The following CAMK4 variants were observed in gnomAD, a reference collection of about 807,000 sequenced individuals.
CAMK4 encodes the protein calcium/calmodulin dependent protein kinase IV.
Under a neutral mutation model 44.9 loss-of-function variants are expected in CAMK4, and 22 were observed. That is an observed-to-expected ratio of 0.49 (90% confidence interval 0.35 to 0.70). CAMK4 has a LOEUF of 0.70. Ranked by LOEUF, CAMK4 falls within the 30% of genes least tolerant of loss-of-function variation. The pLI is 0.01. For missense variants in CAMK4, 498 were observed against 586.8 expected (o/e 0.85, Z 1.56); for synonymous variants, 218 against 215.4 (o/e 1.01, Z -0.11).
chr5:111,235,101 C>T (rs80218507), intron 1 of CAMK4, among the ~76,000 whole-genome samples: 31,576 of 151,772 alleles, frequency 0.21, 3,741 homozygotes, highest in Non-Finnish European at 0.28. Context: ...GAATGTTGCA[C>T]TGTTAGTTTG....
At chr5:111,430,174 A>T (rs1479394400) in intron 5 of CAMK4, among the ~76,000 whole-genome samples, 2 of 152,276 alleles carry the variant, frequency 1.3e-5, no homozygotes, top group East Asian at 1.9e-4. Context: ...TATGCAAATC[A>T]ATCAATGTGA....
intron 1 of CAMK4, among the ~76,000 whole-genome samples, chr5:111,245,847 C>G (rs898967799): frequency 6.6e-6 from 1 of 152,184 alleles, no homozygotes; most frequent in African/African-American, 2.4e-5. Flanking sequence ...TGTGAACAAA[C>G]CTATCAGCCA....
intron 1 of CAMK4, among the ~76,000 whole-genome samples, chr5:111,229,893 T>A (rs1025513075): frequency 6.6e-6 from 1 of 152,224 alleles, no homozygotes; most frequent in African/African-American, 2.4e-5. Context: ...GAACACTGAC[T>A]GTAAGCTTCC....
At chr5:111,331,559 A>T (rs1039742084) in intron 1 of CAMK4, among the ~76,000 whole-genome samples, 1 of 151,700 alleles carries the variant, frequency 6.6e-6, no homozygotes, top group Non-Finnish European at 1.5e-5. Context: ...CTCGAGTAAG[A>T]TCATTTGTGT....
At chr5:111,244,411 A>G (rs2112525935) in intron 1 of CAMK4, among the ~76,000 whole-genome samples, 1 of 152,286 alleles carries the variant, frequency 6.6e-6, no homozygotes, top group East Asian at 1.9e-4. Context: ...AATGTATTGG[A>G]ATCACAGTTA....
At chr5:111,452,230 C>G (rs1754263285) in intron 7 of CAMK4, among the ~76,000 whole-genome samples, 1 of 152,148 alleles carries the variant, frequency 6.6e-6, no homozygotes, top group Non-Finnish European at 1.5e-5. Context: ...ACTTTGTCAA[C>G]TTTGTATGAC....
intron 8 of CAMK4, among the ~76,000 whole-genome samples, chr5:111,474,566 C>T (rs902123115): frequency 6.6e-6 from 1 of 152,146 alleles, no homozygotes; most frequent in Non-Finnish European, 1.5e-5. Flanking sequence ...GGAGCTGGGG[C>T]ATCAACATAT....
At chr5:111,230,302 A>T (rs1477744903) in intron 1 of CAMK4, among the ~76,000 whole-genome samples, 3 of 152,184 alleles carry the variant, frequency 2.0e-5, no homozygotes, top group Non-Finnish European at 4.4e-5. Context: ...AATGAAAGGG[A>T]TTCAGTTTCA....
intron 2 of CAMK4, among the ~76,000 whole-genome samples, chr5:111,355,487 T>TTTAA (rs1750302318): frequency 2.9e-4 from 1 of 3,448 alleles, no homozygotes. Context: ...CTGCATTCTT[T>TTTAA]TTATTTATTT....
At chr5:111,341,968 A>G (rs1749664560) in intron 1 of CAMK4, among the ~76,000 whole-genome samples, 1 of 151,546 alleles carries the variant, frequency 6.6e-6, no homozygotes, top group Non-Finnish European at 1.5e-5. Context: ...ACACATGCAA[A>G]AAACATTTCA....
intron 1 of CAMK4, among the ~76,000 whole-genome samples, chr5:111,272,366 C>T (rs778877476): frequency 2.0e-5 from 3 of 152,042 alleles, no homozygotes; most frequent in Non-Finnish European, 4.4e-5. Context: ...CCACCATATA[C>T]ATGCCAATAA....
intron 1 of CAMK4, among the ~76,000 whole-genome samples, chr5:111,323,599 C>T (rs1748751639): frequency 6.6e-6 from 1 of 151,722 alleles, no homozygotes; most frequent in African/African-American, 2.4e-5. Context: ...TGGAACAACA[C>T]CTTCAAAGTT....
chr5:111,442,389 C>T (rs1050859035), intron 5 of CAMK4, among the ~76,000 whole-genome samples: 8 of 151,694 alleles, frequency 5.3e-5, no homozygotes, highest in East Asian at 1.9e-4. Context: ...CCCAGGCACT[C>T]GGAAGGCTGA....
intron 5 of CAMK4, among the ~76,000 whole-genome samples, chr5:111,439,267 A>C (rs1007062414): frequency 6.6e-6 from 1 of 152,158 alleles, no homozygotes; most frequent in Non-Finnish European, 1.5e-5. Flanking sequence ...GGCAGTGCGA[A>C]GCAGGGACTG....
chr5:111,477,878 G>A (rs1295975706), intron 8 of CAMK4, among the ~76,000 whole-genome samples: 1 of 152,036 alleles, frequency 6.6e-6, no homozygotes, highest in African/African-American at 2.4e-5. Flanking sequence ...TCATAGAATA[G>A]GGCAGAATAA....
intron 4 of CAMK4, among the ~76,000 whole-genome samples, chr5:111,393,103 G>A (rs951847293): frequency 2.0e-5 from 3 of 152,134 alleles, no homozygotes; most frequent in South Asian, 2.1e-4. Flanking sequence ...TATAAGAATT[G>A]TATTACTAGA....
chr5:111,281,589 T>C (rs1561383440), intron 1 of CAMK4, among the ~76,000 whole-genome samples: 2 of 152,272 alleles, frequency 1.3e-5, no homozygotes, highest in African/African-American at 2.4e-5. Flanking sequence ...AGAGATCTTT[T>C]TGGCCTCTCT....
At chr5:111,264,646 G>C (rs411689) in intron 1 of CAMK4, among the ~76,000 whole-genome samples, 151,486 of 152,278 alleles carry the variant, frequency 0.99, 75,353 homozygotes, top group Middle Eastern at 1. Flanking sequence ...TCAGCTTGCT[G>C]TCCTCTCTTG....
At chr5:111,408,116 A>AAGAGAGAGAGAG (rs57215459) in intron 5 of CAMK4, among the ~76,000 whole-genome samples, 4 of 149,374 alleles carry the variant, frequency 2.7e-5, no homozygotes, top group African/African-American at 7.3e-5. Context: ...CAAAGAAAGA[A>AAGAGAGAGAGAG]AGAGAGAGAG....
Sources: allele counts gnomAD v4.1 joint callset (sites outside exome capture counted in the v4.1 genomes callset), GRCh38; gene constraint gnomAD v4.1.1; transcripts MANE v1.5; gene names NCBI Gene and HGNC (gene_info 2026-07-23, HGNC 2026-07-21).